Variants in TENM3 observed in about 807,000 individuals in gnomAD.
TENM3 encodes the protein teneurin-3.
A neutral mutation model predicts 255.1 loss-of-function variants in TENM3; 63 were observed. The ratio of observed to expected loss-of-function variants is 0.25; its 90% confidence interval spans 0.20 to 0.30. The LOEUF (loss-of-function observed/expected upper bound fraction) is 0.30. Among genes scored for constraint, TENM3 ranks in the 10% least tolerant of loss-of-function variants. The pLI, the probability that TENM3 is intolerant of heterozygous loss-of-function variation, is 1.00. For missense variants in TENM3, 2,929 were observed against 3,461.1 expected (o/e 0.85, Z 3.86); for synonymous variants, 1,306 against 1,322.3 (o/e 0.99, Z 0.27).
At chr4:182,156,592 G>A (rs371088180) in intron 1 of TENM3, among the ~76,000 whole-genome samples, 1 of 151,566 alleles carries the variant, frequency 6.6e-6, no homozygotes, top group African/African-American at 2.4e-5. Flanking sequence ...GACAAAATAT[G>A]ATAGTTTTTT....
the TENM3 span, among the ~76,000 whole-genome samples, chr4:181,781,214 G>C: frequency 1.3e-5 from 2 of 152,190 alleles, no homozygotes; most frequent in Non-Finnish European, 2.9e-5. Flanking sequence ...ACCTTGGGCA[G>C]TATGGCCATT....
the TENM3 span, among the ~76,000 whole-genome samples, chr4:181,777,867 A>G: frequency 1.2e-3 from 189 of 152,224 alleles, 1 homozygote; most frequent in East Asian, 0.031. Flanking sequence ...CAGTTCCTCA[A>G]AGATTAGTTG....
the TENM3 span, among the ~76,000 whole-genome samples, chr4:182,004,411 G>A: frequency 1.3e-5 from 2 of 152,094 alleles, no homozygotes; most frequent in Non-Finnish European, 2.9e-5. Flanking sequence ...TCCTTTTCAT[G>A]GCTGCATAGT....
intron 1 of TENM3, among the ~76,000 whole-genome samples, chr4:182,246,368 A>G (rs1181369407): frequency 7.8e-6 from 1 of 127,700 alleles, no homozygotes; most frequent in Non-Finnish European, 1.6e-5. Context: ...CCCCTCAGGA[A>G]TAACATTTTA....
intron 3 of TENM3, among the ~76,000 whole-genome samples, chr4:182,419,387 T>C (rs1324927938): frequency 1.3e-5 from 2 of 152,116 alleles, no homozygotes; most frequent in Non-Finnish European, 2.9e-5. Flanking sequence ...CTGGAGAGGA[T>C]GTGGAGAAAT....
chr4:182,756,784 T>TAG (rs1762771775), intron 22 of TENM3, among the ~76,000 whole-genome samples: 1 of 152,210 alleles, frequency 6.6e-6, no homozygotes, highest in Middle Eastern at 3.2e-3. Context: ...AGCAGCATGA[T>TAG]TTTGTCAGAG....
chr4:182,770,794 A>G (rs1764141031), intron 22 of TENM3, among the ~76,000 whole-genome samples: 2 of 152,308 alleles, frequency 1.3e-5, no homozygotes, highest in South Asian at 4.1e-4. Flanking sequence ...TTTAGCTTGC[A>G]CGGAAAGGCT....
At chr4:182,051,553 A>G in the TENM3 span, among the ~76,000 whole-genome samples, 1 of 151,602 alleles carries the variant, frequency 6.6e-6, no homozygotes, top group African/African-American at 2.4e-5. Flanking sequence ...AATTTTTTGT[A>G]TTTTTAGTAG....
intron 1 of TENM3, among the ~76,000 whole-genome samples, chr4:182,296,143 A>T (rs1761476764): frequency 2.6e-5 from 4 of 152,014 alleles, no homozygotes; most frequent in Admixed American, 6.6e-5. Flanking sequence ...TTGTATGTTT[A>T]GTAGAGACAG....
chr4:181,475,077 A>G, the TENM3 span, among the ~76,000 whole-genome samples: 7 of 152,234 alleles, frequency 4.6e-5, no homozygotes, highest in Non-Finnish European at 1.0e-4. Flanking sequence ...AATGATTTTG[A>G]ATGTAATTTT....
chr4:182,385,736 CTAAGA>C (rs1366362122), intron 3 of TENM3, among the ~76,000 whole-genome samples: 1 of 152,084 alleles, frequency 6.6e-6, no homozygotes, highest in Admixed American at 6.5e-5. Context: ...TTCTTTGCCT[CTAAGA>C]TAAATTATTT....
chr4:181,541,495 G>T, the TENM3 span, among the ~76,000 whole-genome samples: 1 of 152,128 alleles, frequency 6.6e-6, no homozygotes, highest in Non-Finnish European at 1.5e-5. Context: ...GACTGATTTA[G>T]ATGAGTCATG....
chr4:182,172,444 C>A (rs572918788), intron 1 of TENM3, among the ~76,000 whole-genome samples: 1 of 152,176 alleles, frequency 6.6e-6, no homozygotes, highest in African/African-American at 2.4e-5. Flanking sequence ...GAGTAGCTAC[C>A]ATGTATCCTT....
At chr4:182,048,066 C>A in the TENM3 span, among the ~76,000 whole-genome samples, 1 of 152,060 alleles carries the variant, frequency 6.6e-6, no homozygotes, top group African/African-American at 2.4e-5. Flanking sequence ...TCACCAATAA[C>A]CTTTTATAAT....
chr4:182,688,619 A>T (rs1303602080), intron 12 of TENM3, among the ~76,000 whole-genome samples: 1 of 152,194 alleles, frequency 6.6e-6, no homozygotes, highest in Non-Finnish European at 1.5e-5. Flanking sequence ...AACAGACTTA[A>T]TGATTTGTTT....
At chr4:181,983,898 A>G in the TENM3 span, among the ~76,000 whole-genome samples, 19 of 152,240 alleles carry the variant, frequency 1.2e-4, no homozygotes, top group Middle Eastern at 3.4e-3. Context: ...GCAGTGTTTT[A>G]AAAACCTGAT....
chr4:181,910,278 A>G, the TENM3 span, among the ~76,000 whole-genome samples: 10 of 152,070 alleles, frequency 6.6e-5, no homozygotes, highest in Non-Finnish European at 1.5e-4. Context: ...TATAAAATAT[A>G]TATACAGGCC....
At chr4:181,660,258 T>A in the TENM3 span, among the ~76,000 whole-genome samples, 1 of 152,158 alleles carries the variant, frequency 6.6e-6, no homozygotes, top group African/African-American at 2.4e-5. Flanking sequence ...AAACAGTCAG[T>A]CCCTTTGCCC....
At chr4:182,082,054 T>C in the TENM3 span, among the ~76,000 whole-genome samples, 1 of 152,138 alleles carries the variant, frequency 6.6e-6, no homozygotes, top group East Asian at 1.9e-4. Context: ...TATACAAAAG[T>C]AGAGGGAATA....
Sources: gnomAD v4.1 joint callset for allele counts (sites outside exome capture counted in the v4.1 genomes callset) on GRCh38, gnomAD v4.1.1 for gene constraint, MANE v1.5 for transcripts, NCBI Gene and HGNC (gene_info 2026-07-23, HGNC 2026-07-21) for gene names.